FBXO8: variants seen among roughly 807,000 people sequenced by gnomAD.
The protein encoded by FBXO8 is F-box only protein 8.
Under a neutral mutation model 33.4 loss-of-function variants are expected in FBXO8, and 15 were observed. The ratio of observed to expected loss-of-function variants is 0.45; its 90% CI spans 0.30 to 0.69. The LOEUF (loss-of-function observed/expected upper bound fraction) is 0.69, where lower values mean the gene tolerates loss of function less well. Among genes scored for constraint, FBXO8 ranks in the 30% least tolerant of loss-of-function variants. The probability of loss-of-function intolerance (pLI) is 0.08; values close to 1 mark genes in which losing one functional copy is unlikely to be tolerated. For missense variants in FBXO8, 274 were observed against 380.3 expected, an observed-to-expected ratio of 0.72 and a Z score of 2.32; for synonymous variants, 132 against 131.5, an observed-to-expected ratio of 1.00 and a Z score of -0.02.
Position 174,275,270 on chromosome 4 carries a change from C to A in FBXO8, c.-9+8140G>T, listed in dbSNP as rs1313633089. On this transcript the variant is annotated intron_variant, in intron 1 of 5. Transcript: ENST00000393674. The surrounding 1 kb of genome is among the most constrained non-coding windows in gnomAD (Gnocchi z 4.4). The stretch of plus-strand genomic sequence containing the variant: ...AGTGTGAGAGATCCCTGTGGTGTTA[C>A]AACTATTTACTATCTTGACTATGGT... Among the ~76,000 whole-genome samples, 1 of 152,144 alleles carries A rather than the reference C, an allele frequency of 6.6e-6. No homozygotes were observed. The highest frequency in any genetic ancestry group is 1.5e-5 in the Non-Finnish European group (1 of 68,022).
intron 1 of FBXO8, among the ~76,000 whole-genome samples, chr4:174,273,215 A>T (rs1279097793): frequency 6.6e-6 from 1 of 151,992 alleles, no homozygotes; most frequent in Non-Finnish European, 1.5e-5. Flanking sequence ...TGAAGCCAGG[A>T]ATTGGAGGTT....
At chr4:174,280,505 A>C (rs955944050) in intron 1 of FBXO8, among the ~76,000 whole-genome samples, 1 of 152,192 alleles carries the variant, frequency 6.6e-6, no homozygotes, top group Non-Finnish European at 1.5e-5. Context: ...TCAAGAATTC[A>C]AAGCAGGGTC....
At chr4:174,239,308 G>A (rs2126411988) in intron 4 of FBXO8, 118 bp from the exon 5 acceptor site, 1 of 524,456 alleles carries the variant, frequency 1.9e-6, no homozygotes, top group South Asian at 4.6e-5. Context: ...TACTAGATCA[G>A]CTAATCCTAT....
At chr4:174,271,100 A>G (rs1346551544) in intron 1 of FBXO8, among the ~76,000 whole-genome samples, 1 of 152,228 alleles carries the variant, frequency 6.6e-6, no homozygotes, top group Non-Finnish European at 1.5e-5. Flanking sequence ...TCTCTCTCCC[A>G]TAAAATGACA....
At position 174,274,681 on chromosome 4, in the gene FBXO8, T is replaced by C. The variant is rs1736918432; in HGVS notation, c.-9+8729A>G. 6.6e-6 allele frequency among the ~76,000 whole-genome samples: 1 copy of C among 152,232 alleles called. No individual in the cohort carries two copies. The highest frequency in any genetic ancestry group is 1.5e-5 in the Non-Finnish European group (1 of 68,038). The stretch of plus-strand genomic sequence containing the variant: ...TAAACCCAGTATCAAACACAGTGCC[T>C]TGGCATATAAAGTGCTCAGAAAATA... On this transcript the variant is annotated intron_variant, in intron 1 of 5. Coordinates refer to ENST00000393674, the MANE Select transcript of FBXO8 (RefSeq NM_012180.3). This position sits in a 1 kb window ranked among gnomAD's most constrained non-coding sequence, Gnocchi z 4.0.
chr4:174,255,196 A>G lies in FBXO8; in HGVS notation c.456+4503T>C, dbSNP rs1331833836. ...TTATTGGTACATTCTAATAATGCCC[A>G]TGAGGGTTTTCATTCCCTAGGAATA... On this transcript the variant is annotated intron_variant, in intron 3 of 5. Transcript: ENST00000393674. This position sits in a 1 kb window ranked among gnomAD's most constrained non-coding sequence, Gnocchi z 4.3. 2.6e-5 allele frequency among the ~76,000 whole-genome samples: 4 copies of G among 152,172 alleles called. No homozygotes were observed. Among genetic ancestry groups the G allele is most frequent in the Non-Finnish European group, 4.4e-5 (3 of 68,006 alleles).
intron 1 of FBXO8, among the ~76,000 whole-genome samples, chr4:174,279,778 G>T (rs1233748587): frequency 6.6e-6 from 1 of 152,030 alleles, no homozygotes; most frequent in Non-Finnish European, 1.5e-5. Context: ...AAATGGTGCT[G>T]AGAAATCATA....
chr4:174,244,025 A>C (rs1003592461), intron 3 of FBXO8, among the ~76,000 whole-genome samples: 1 of 151,696 alleles, frequency 6.6e-6, no homozygotes, highest in East Asian at 1.9e-4. Flanking sequence ...TAGGAGTATT[A>C]GGCCAGAGAA....
At position 174,239,196 on chromosome 4, in the gene FBXO8, G is replaced by A. The variant is rs1328892054; in HGVS notation, c.576-6C>T. ...GGTCATCCAAGACATCTCTCCTACA[G>A]AAAGAAAAAAAGGCACAGCTTTGGT... is the stretch of plus-strand genomic sequence containing the variant. On this transcript the variant is annotated splice_region_variant and splice_polypyrimidine_tract_variant and intron_variant, in intron 4 of 5. Coordinates refer to ENST00000393674, the MANE Select transcript of FBXO8 (RefSeq NM_012180.3). The A allele has an allele frequency of 3.3e-6, 5 of 1,499,104 alleles. No homozygotes were observed. Among genetic ancestry groups the A allele is most frequent in the Admixed American group, 4.5e-5 (2 of 44,082 alleles). The allele number at this position is 1,499,104 out of a possible 1,614,324, so 92.9% of individuals were successfully genotyped here.
intron 3 of FBXO8, among the ~76,000 whole-genome samples, chr4:174,248,170 G>A (rs1413095790): frequency 6.6e-6 from 1 of 152,008 alleles, no homozygotes; most frequent in Non-Finnish European, 1.5e-5. Flanking sequence ...AATGTTTTCT[G>A]CTTTCTGTAA....
chr4:174,239,703 T>A (rs1263849672), intron 4 of FBXO8, among the ~76,000 whole-genome samples: 1 of 151,902 alleles, frequency 6.6e-6, no homozygotes, highest in East Asian at 1.9e-4. Context: ...GCTTTGTATA[T>A]CTTTATACCT....
intron 1 of FBXO8, among the ~76,000 whole-genome samples, chr4:174,280,798 T>G (rs989885497): frequency 6.6e-6 from 1 of 152,100 alleles, no homozygotes; most frequent in Non-Finnish European, 1.5e-5. Context: ...CACTTTCCAG[T>G]AATATGAATA....
Position 174,262,954 on chromosome 4 carries a change from C to CT in FBXO8, c.138dup (p.Val47SerfsTer6), listed in dbSNP as rs1308216679. Reference sequence around the variant, plus strand: ...TGATATATGTCAATGCCTCCTTGGACTTGTTTACGATGATTGGTGTTAGAA... The same window carrying CT: ...TGATATATGTCAATGCCTCCTTGGACTTTGTTTACGATGATTGGTGTTAGAA... On this transcript the variant is annotated frameshift_variant, in exon 2 of 6. Transcript: ENST00000393674. LOFTEE classifies it high-confidence loss of function. This position sits in a 1 kb window ranked among gnomAD's most constrained non-coding sequence, Gnocchi z 4.6. 1 of 1,613,882 alleles carries CT rather than the reference C, an allele frequency of 6.2e-7. No homozygotes were observed. Among genetic ancestry groups the CT allele is most frequent in the Non-Finnish European group, 8.5e-7 (1 of 1,179,932 alleles).
Position 174,269,394 on chromosome 4 carries a change from A to C in FBXO8, c.-8-6294T>G, listed in dbSNP as rs1218109651. ...TTTTCTCCTTATTTTTCAGAATGGT[A>C]ATAAAATGCGGCCAGGAGTGGTGGC... On this transcript the variant is annotated intron_variant, in intron 1 of 5. Coordinates refer to ENST00000393674, the MANE Select transcript of FBXO8 (RefSeq NM_012180.3). Among the ~76,000 whole-genome samples the C allele has an allele frequency of 2.0e-5, 3 of 152,256 alleles. No homozygotes were observed. In the East Asian group the frequency reaches 5.8e-4, roughly 29 times the overall value.
At position 174,266,650 on chromosome 4, in the gene FBXO8, G is replaced by T. The variant is rs141821538; in HGVS notation, c.-8-3550C>A. 3.9e-5 allele frequency among the ~76,000 whole-genome samples: 6 copies of T among 152,266 alleles called. No homozygotes were observed. In the East Asian group the frequency reaches 1.2e-3, roughly 29 times the overall value. On this transcript the variant is annotated intron_variant, in intron 1 of 5. Transcript: ENST00000393674. ...AGTCATGGAGGGAGTATAGTGGTATGGGTTTTGAAGTCAGACAGACCTGGG... is the reference window on the plus strand; with the variant it reads ...AGTCATGGAGGGAGTATAGTGGTATTGGTTTTGAAGTCAGACAGACCTGGG...
rs1012180257 is a variant in FBXO8 at position 174,275,640 on chromosome 4, A to T, written c.-9+7770T>A. ...TGATACCTTAATAAAGATGTTTTATAAAAAGGAATTAGAAACTCTAATGAA... is the reference window on the plus strand; with the variant it reads ...TGATACCTTAATAAAGATGTTTTATTAAAAGGAATTAGAAACTCTAATGAA... On this transcript the variant is annotated intron_variant, in intron 1 of 5. Coordinates refer to ENST00000393674, the MANE Select transcript of FBXO8 (RefSeq NM_012180.3). This position sits in a 1 kb window ranked among gnomAD's most constrained non-coding sequence, Gnocchi z 4.4. 2.0e-5 allele frequency among the ~76,000 whole-genome samples: 3 copies of T among 152,226 alleles called. No homozygotes were observed. The highest frequency in any genetic ancestry group is 7.2e-5 in the African/African-American group (3 of 41,466).
Position 174,237,459 on chromosome 4 carries a change from C to T in FBXO8, c.913G>A (p.Gly305Arg). ...AAQNISEDFVGHLYDNIYLIG... is the reference protein window; with the variant it reads ...AAQNISEDFVRHLYDNIYLIG... ...AGGTAGATATTGTCATAAAGATGCC[C>T]TACAAAATCTTCACTAATATTTTGA... Residue 305 changes from glycine to arginine, a missense_variant, in exon 6 of 6, where the codon GGG (glycine) becomes AGG (arginine). Physicochemically the swap from Gly to Arg is moderately radical, Grantham distance 125. Around this residue, in one of 2 missense-constraint regions of FBXO8, gnomAD observed 186 missense variants for 293.4 expected, o/e 0.63. Coordinates refer to ENST00000393674, the MANE Select transcript of FBXO8 (RefSeq NM_012180.3). This position sits in a 1 kb window ranked among gnomAD's most constrained non-coding sequence, Gnocchi z 4.4. 1 of 1,613,668 alleles carries T rather than the reference C, an allele frequency of 6.2e-7. No individual in the cohort carries two copies. Among genetic ancestry groups the T allele is most frequent in the Non-Finnish European group, 8.5e-7 (1 of 1,179,708 alleles).
chr4:174,282,166 T>G (rs1365501658), intron 1 of FBXO8, among the ~76,000 whole-genome samples: 2 of 152,216 alleles, frequency 1.3e-5, no homozygotes, highest in African/African-American at 4.8e-5. Context: ...CTAGCAACAG[T>G]AAACACACAA....
chr4:174,241,859 T>C lies in FBXO8; in HGVS notation c.457-641A>G, dbSNP rs116439422. On this transcript the variant is annotated intron_variant, in intron 3 of 5. Coordinates refer to ENST00000393674, the MANE Select transcript of FBXO8 (RefSeq NM_012180.3). This position sits in a 1 kb window ranked among gnomAD's most constrained non-coding sequence, Gnocchi z 4.2. ...AGACAAAACAATTCAATGTTTTTCA[T>C]AGAATTTATCTTTGAATTTCCTTTT... 5.2e-3 allele frequency among the ~76,000 whole-genome samples: 784 copies of C among 151,642 alleles called. 4 individuals are homozygous for C. Among genetic ancestry groups the C allele is most frequent in the African/African-American group, 0.018 (733 of 41,492 alleles).
Sources: gnomAD v4.1 joint callset for allele counts (sites outside exome capture counted in the v4.1 genomes callset) on GRCh38, gnomAD v4.1.1 for gene constraint, gnomAD v4.1.1 regional missense constraint, Gnocchi (gnomAD v3.1) non-coding constraint, MANE v1.5 for transcripts, NCBI Gene and HGNC (gene_info 2026-07-23, HGNC 2026-07-21) for gene names.